The following PTGIR variants were observed in gnomAD, a reference collection of about 807,000 sequenced individuals.
PTGIR encodes the protein prostacyclin receptor.
A neutral mutation model predicts 17.6 loss-of-function variants in PTGIR; 16 were observed. The observed-to-expected ratio is 0.91, with a 90% CI of 0.61 to 1.38. The LOEUF (loss-of-function observed/expected upper bound fraction) is 1.38. PTGIR is among the 40% of genes most tolerant of loss of function. The pLI is 0.00. For synonymous variants in PTGIR, 274 were observed against 255.4 expected (o/e 1.07, Z -0.69); for missense variants, 532 against 548.6 (o/e 0.97, Z 0.30).
downstream of PTGIR, among the ~76,000 whole-genome samples, chr19:46,616,143 G>A (rs1024063482): frequency 6.6e-6 from 1 of 151,926 alleles, no homozygotes; most frequent in East Asian, 1.9e-4. Context: ...CACCCACGTG[G>A]ATTGTGAACG....
Position 46,624,184 on chromosome 19 carries a change from C to T in PTGIR, c.42G>A (p.Ser14=), listed in dbSNP as rs1599774887. The change falls in exon 2 of 3, where the codon TCG becomes TCA. Residue 14 remains serine, a synonymous_variant. Transcript: ENST00000291294. ...SCRNLTYVRG[S]VGPATSTLMF... is the part of the protein sequence containing the mutation. ...TCAGGGTGCTGGTGGCCGGCCCCAC[C>T]GAGCCCCGCACGTAGGTGAGGTTCC... 6.7e-7 allele frequency: 1 copy of T among 1,484,130 alleles called. No homozygotes were observed. The highest frequency in any genetic ancestry group is 8.9e-7 in the Non-Finnish European group (1 of 1,124,696). 91.9% of individuals were successfully genotyped at this position (1,484,130 alleles called of 1,614,324 possible).
At chr19:46,614,239 T>C in the PTGIR span, among the ~76,000 whole-genome samples, 1 of 152,012 alleles carries the variant, frequency 6.6e-6, no homozygotes, top group African/African-American at 2.4e-5. Flanking sequence ...CTCCCAAGGA[T>C]CCCCTCACTT....
At chr19:46,620,357 C>T (rs1272651935), downstream of PTGIR, 5 of 888,434 alleles carry the variant, frequency 5.6e-6, no homozygotes, top group African/African-American at 1.8e-5. Context: ...CCACCTGAAC[C>T]TCCCAAAGTG....
rs200334467 is a variant in PTGIR at position 46,623,671 on chromosome 19, C to A, written c.555G>T (p.Ser185=). Residue 185 remains serine (S), a synonymous_variant, in exon 2 of 3, where the codon TCG becomes TCT. Transcript: ENST00000291294. ...GGGCCACCAGGCCGGCGTAGGCCAG[C>A]GAGAAGGCGGCGCCGCCCGGCTGGG... ...RWAQPGGAAF[S]LAYAGLVALL... 3 of 1,549,834 alleles carry A rather than the reference C, an allele frequency of 1.9e-6. No homozygotes were observed. The Admixed American group carries it at 5.8e-5, about 30-fold the overall frequency.
At chr19:46,622,117 C>A (rs975192991) in intron 2 of PTGIR, 2 of 985,352 alleles carry the variant, frequency 2.0e-6, no homozygotes, top group African/African-American at 1.7e-5. Context: ...TGGCCTCTTG[C>A]ATTTTACAGA....
At chr19:46,623,074 G>C (rs891017181) in intron 2 of PTGIR, 3 of 157,350 alleles carry the variant, frequency 1.9e-5, no homozygotes, top group East Asian at 1.9e-4. Context: ...CTCCGCCTCC[G>C]GGGTTCAAGC....
At chr19:46,615,167 A>G in the PTGIR span, among the ~76,000 whole-genome samples, 1 of 152,244 alleles carries the variant, frequency 6.6e-6, no homozygotes, top group Non-Finnish European at 1.5e-5. Flanking sequence ...CTTGGGTGAC[A>G]TAGCGAGACT....
the PTGIR span, chr19:46,614,551 G>T: frequency 2.1e-6 from 1 of 471,402 alleles, no homozygotes. Flanking sequence ...CAGCCTCTGT[G>T]TCTGCTGGTT....
the PTGIR span, among the ~76,000 whole-genome samples, chr19:46,613,027 C>CTTT: frequency 1.1e-3 from 80 of 74,238 alleles, 7 homozygotes; most frequent in Non-Finnish European, 1.4e-3. Flanking sequence ...TTGTGCCAAA[C>CTTT]TTTTTTTTTT....
At chr19:46,614,683 C>A in the PTGIR span, among the ~76,000 whole-genome samples, 1 of 152,114 alleles carries the variant, frequency 6.6e-6, no homozygotes, top group African/African-American at 2.4e-5. Flanking sequence ...TTGAGACCAG[C>A]CTGGCCAACA....
the PTGIR span, among the ~76,000 whole-genome samples, chr19:46,613,632 G>A: frequency 6.6e-6 from 1 of 152,066 alleles, no homozygotes; most frequent in African/African-American, 2.4e-5. Context: ...GCGCCCGGCC[G>A]TGCCAAACTT....
chr19:46,620,951 G>A lies in PTGIR; in HGVS notation c.*329C>T. On this transcript the variant is annotated 3_prime_UTR_variant, in exon 3 of 3. Transcript: ENST00000291294. ...CCAGCACCCAGACCAGAGCAGACCT[G>A]ACTGTACAGAAGCCTCTGGGAACTT... The A allele has an allele frequency of 4.8e-6, 5 of 1,032,932 alleles. No homozygotes were observed. The highest frequency in any genetic ancestry group is 4.5e-5 in the South Asian group (1 of 22,122). The allele number at this position is 1,032,932 out of a possible 1,614,324, so 64.0% of individuals were successfully genotyped here.
downstream of PTGIR, among the ~76,000 whole-genome samples, chr19:46,617,668 G>A (rs376739828): frequency 5.3e-5 from 8 of 152,136 alleles, no homozygotes; most frequent in African/African-American, 1.9e-4. Flanking sequence ...CTTCGGGGGT[G>A]ACACAGAGAG....
In PTGIR at chr19:46,624,214, C is replaced by T. The variant is rs1411791435; in HGVS notation, c.12G>A (p.Ser4=). ...CCCGCACGTAGGTGAGGTTCCTGCACGAATCCGCCATCCCAGGTCTGGGCT... is the reference window on the plus strand; with the variant it reads ...CCCGCACGTAGGTGAGGTTCCTGCATGAATCCGCCATCCCAGGTCTGGGCT... MAD[S]CRNLTYVRGS... The change falls in exon 2 of 3, where the codon TCG becomes TCA. Residue 4 remains serine (S), a synonymous_variant. Transcript: ENST00000291294. 3 of 1,448,374 alleles carry T rather than the reference C, an allele frequency of 2.1e-6. No homozygotes were observed. Among genetic ancestry groups the T allele is most frequent in the East Asian group, 2.6e-5 (1 of 38,556 alleles). 89.7% of individuals were successfully genotyped at this position (1,448,374 alleles called of 1,614,324 possible).
Position 46,623,770 on chromosome 19 carries a change from C to A in PTGIR, c.456G>T (p.Ala152=), listed in dbSNP as rs368053233. ...AIYAFCVLFC[A]LPLLGLGQHQ... The stretch of plus-strand genomic sequence containing the variant: ...GTTGGCCCAGGCCCAGCAGGGGCAG[C>A]GCGCAGAAGAGGACGCAGAAGGCGT... The change falls in exon 2 of 3, where the codon GCG becomes GCT. Residue 152 remains alanine, a synonymous_variant. Coordinates refer to ENST00000291294, the MANE Select transcript of PTGIR (RefSeq NM_000960.4). 6 of 1,603,846 alleles carry A rather than the reference C, an allele frequency of 3.7e-6. No individual in the cohort carries two copies. Among genetic ancestry groups the A allele is most frequent in the Middle Eastern group, 1.7e-4 (1 of 6,030 alleles).
chr19:46,622,362 C>T (rs998435991), intron 2 of PTGIR: 14 of 984,750 alleles, frequency 1.4e-5, no homozygotes, highest in Non-Finnish European at 1.6e-5. Context: ...TGTGACTGGG[C>T]GAAAGACACT....
downstream of PTGIR, among the ~76,000 whole-genome samples, chr19:46,619,521 GAAAGAAAGAAAGAAAGAAAGAA>G (rs1972011378): frequency 1.6e-4 from 8 of 50,328 alleles, no homozygotes; most frequent in Non-Finnish European, 2.2e-4. Context: ...AAGAAAGAAA[GAAAGAAAGAAAGAAAGAAAGAA>G]AGAAAGAGAG....
downstream of PTGIR, among the ~76,000 whole-genome samples, chr19:46,619,605 GA>G (rs1434492407): frequency 0.033 from 280 of 8,478 alleles, no homozygotes; most frequent in African/African-American, 0.1. Flanking sequence ...AGAAAGAAAG[GA>G]AAGAAAGAAA....
chr19:46,616,540 G>C (rs999418957), downstream of PTGIR, among the ~76,000 whole-genome samples: 2 of 151,720 alleles, frequency 1.3e-5, no homozygotes, highest in Non-Finnish European at 2.9e-5. Flanking sequence ...CACCATATTG[G>C]CCAGGTTGGT....
Sources: allele counts gnomAD v4.1 joint callset (sites outside exome capture counted in the v4.1 genomes callset), GRCh38; gene constraint gnomAD v4.1.1; transcripts MANE v1.5; gene names NCBI Gene and HGNC (gene_info 2026-07-23, HGNC 2026-07-21).